Variants in RMDN2 observed in about 807,000 individuals in gnomAD.
RMDN2 encodes regulator of microtubule dynamics 2.
RMDN2 carries 61 observed loss-of-function variants against 52.8 expected under a neutral mutation model. The ratio of observed to expected loss-of-function variants is 1.16; its 90% CI spans 0.94 to 1.43. The LOEUF (loss-of-function observed/expected upper bound fraction) is 1.43, where lower values mean the gene tolerates loss of function less well. Ranked by LOEUF, RMDN2 falls within the 40% of genes most tolerant of loss-of-function variation. The pLI is 0.00. For missense variants in RMDN2, 592 were observed against 475.3 expected (o/e 1.25, Z -2.28); for synonymous variants, 180 against 153.1 (o/e 1.18, Z -1.30).
At chr2:38,031,256 C>CTTTTTTTTTTT (rs552306141) in intron 10 of RMDN2, among the ~76,000 whole-genome samples, 4 of 105,870 alleles carry the variant, frequency 3.8e-5, no homozygotes, top group East Asian at 2.8e-4. Context: ...CTTTGTTTCC[C>CTTTTTTTTTTT]TTTTTTTTTT....
At chr2:37,977,532 G>A (rs904124072) in intron 4 of RMDN2, among the ~76,000 whole-genome samples, 43 of 151,900 alleles carry the variant, frequency 2.8e-4, no homozygotes, top group African/African-American at 1.0e-3. Flanking sequence ...GGATGGGGCG[G>A]CTGCCAGGCG....
chr2:37,940,362 G>A (rs1184389474), intron 2 of RMDN2, among the ~76,000 whole-genome samples: 1 of 152,072 alleles, frequency 6.6e-6, no homozygotes, highest in Non-Finnish European at 1.5e-5. Context: ...TATGTGTTTT[G>A]GGGTTTCCCT....
At position 38,003,953 on chromosome 2, in the gene RMDN2, T is replaced by C. The variant is rs753336971; in HGVS notation, c.1045-38T>C. ...ACTTGTGGTTACTGTTATTTTAATA[T>C]TGCCCTGTTATTCTCTCATGTTTTT... is the stretch of plus-strand genomic sequence containing the variant. On this transcript the variant is annotated intron_variant, in intron 8 of 10. Coordinates refer to ENST00000354545, the MANE Select transcript of RMDN2 (RefSeq NM_001170791.3). 2.7e-6 allele frequency: 4 copies of C among 1,456,430 alleles called. No individual in the cohort carries two copies. In the South Asian group the frequency reaches 3.4e-5, roughly 12 times the overall value. The allele number at this position is 1,456,430 out of a possible 1,614,324, so 90.2% of individuals were successfully genotyped here.
intron 4 of RMDN2, among the ~76,000 whole-genome samples, chr2:37,975,801 C>T (rs1312650551): frequency 2.6e-5 from 4 of 151,880 alleles, no homozygotes; most frequent in African/African-American, 9.7e-5. Flanking sequence ...TATTATGGTA[C>T]AAAAAAATGT....
intron 10 of RMDN2, among the ~76,000 whole-genome samples, chr2:38,025,263 C>T (rs895252690): frequency 2.0e-5 from 3 of 152,018 alleles, no homozygotes; most frequent in South Asian, 2.1e-4. Flanking sequence ...TTTTGATGCT[C>T]TTATATATTA....
At chr2:37,952,354 A>T (rs982045832) in intron 2 of RMDN2, 91 of 652,470 alleles carry the variant, frequency 1.4e-4, no homozygotes, top group Middle Eastern at 2.6e-4. Flanking sequence ...TTGCAGTGTA[A>T]ATTTAATTGC....
chr2:37,980,702 A>G lies in RMDN2; in HGVS notation c.731-581A>G, dbSNP rs115239982. Reference sequence around the variant, plus strand: ...CTGGCCCTGTTCATTATTGTGAATGATTAGGCAAGAACTTCTCAGGGAAGC... The same window carrying G: ...CTGGCCCTGTTCATTATTGTGAATGGTTAGGCAAGAACTTCTCAGGGAAGC... On this transcript the variant is annotated intron_variant, in intron 4 of 10. Transcript: ENST00000354545. 5.6e-3 allele frequency among the ~76,000 whole-genome samples: 847 copies of G among 152,266 alleles called. 9 individuals are homozygous for G. The highest frequency in any genetic ancestry group is 0.019 in the African/African-American group (804 of 41,538).
intron 8 of RMDN2, among the ~76,000 whole-genome samples, chr2:37,998,691 A>C (rs959927056): frequency 6.6e-6 from 1 of 152,158 alleles, no homozygotes; most frequent in Non-Finnish European, 1.5e-5. Context: ...TGAAAAAATA[A>C]GTGTCCTGAA....
chr2:38,025,219 C>T (rs1311403529), intron 10 of RMDN2, among the ~76,000 whole-genome samples: 1 of 152,012 alleles, frequency 6.6e-6, no homozygotes, highest in African/African-American at 2.4e-5. Flanking sequence ...AGGTCTTTCA[C>T]ATTTTTGTCA....
downstream of RMDN2, among the ~76,000 whole-genome samples, chr2:38,019,571 C>G (rs150361550): frequency 7.0e-3 from 1,068 of 152,280 alleles, 8 homozygotes; most frequent in African/African-American, 0.024. Flanking sequence ...GGGAATTCCC[C>G]TCCTCATCCT....
chr2:37,937,035 C>G (rs577261866), intron 2 of RMDN2, among the ~76,000 whole-genome samples: 1 of 151,786 alleles, frequency 6.6e-6, no homozygotes, highest in African/African-American at 2.4e-5. Context: ...CAGGTCTTAA[C>G]GCTTAAGTCT....
intron 10 of RMDN2, among the ~76,000 whole-genome samples, chr2:38,032,115 C>T (rs760184613): frequency 1.1e-4 from 16 of 152,156 alleles, no homozygotes; most frequent in Non-Finnish European, 2.1e-4. Context: ...AAATTACATA[C>T]AGTAAAATGC....
chr2:37,926,309 CTA>C (rs1312511606), intron 1 of RMDN2, among the ~76,000 whole-genome samples: 3 of 152,164 alleles, frequency 2.0e-5, no homozygotes, highest in African/African-American at 7.2e-5. Context: ...TTAAATAAAA[CTA>C]GAACATGGAA....
intron 1 of RMDN2, among the ~76,000 whole-genome samples, chr2:37,926,690 A>T (rs770018084): frequency 3.9e-5 from 6 of 152,268 alleles, no homozygotes; most frequent in Non-Finnish European, 8.8e-5. Context: ...TGCTTATCCC[A>T]GCACTTTGAG....
intron 2 of RMDN2, among the ~76,000 whole-genome samples, chr2:37,965,841 TAA>T (rs1291275227): frequency 6.6e-6 from 1 of 152,198 alleles, no homozygotes; most frequent in African/African-American, 2.4e-5. Context: ...AGAAATATTT[TAA>T]TTTCTCCCTC....
At chr2:37,990,518 CAAAA>C (rs397812186) in intron 6 of RMDN2, among the ~76,000 whole-genome samples, 1 of 37,578 alleles carries the variant, frequency 2.7e-5, no homozygotes, top group Non-Finnish European at 4.9e-5. Flanking sequence ...GACTCCATCT[CAAAA>C]AAAAAAAAAA....
chr2:37,968,541 A>T (rs1363406300), intron 2 of RMDN2, among the ~76,000 whole-genome samples: 1 of 151,654 alleles, frequency 6.6e-6, no homozygotes, highest in Admixed American at 6.6e-5. Flanking sequence ...TGATGTACTT[A>T]TGTAAATACA....
chr2:37,982,057 G>A (rs1673392366), intron 5 of RMDN2, among the ~76,000 whole-genome samples: 1 of 152,100 alleles, frequency 6.6e-6, no homozygotes, highest in South Asian at 2.1e-4. Context: ...AATAATAAAT[G>A]TATGACCCTT....
At chr2:37,939,956 G>A (rs1254859459) in intron 2 of RMDN2, among the ~76,000 whole-genome samples, 3 of 152,164 alleles carry the variant, frequency 2.0e-5, no homozygotes, top group Non-Finnish European at 4.4e-5. Context: ...CCCATTAGTT[G>A]ATGCAGTTTC....
Sources: gnomAD v4.1 joint callset for allele counts (sites outside exome capture counted in the v4.1 genomes callset) on GRCh38, gnomAD v4.1.1 for gene constraint, MANE v1.5 for transcripts, NCBI Gene and HGNC (gene_info 2026-07-23, HGNC 2026-07-21) for gene names.